PAQR8: variants seen among roughly 807,000 people sequenced by gnomAD.
PAQR8 encodes progestin and adipoQ receptor family member 8.
In PAQR8, 17 loss-of-function variants were observed where a neutral mutation model predicts 25.2. The observed-to-expected ratio is 0.67, with a 90% CI of 0.46 to 1.01. PAQR8 has a LOEUF of 1.01. PAQR8 is among the 50% of genes least tolerant of loss of function. PAQR8 has a pLI of 0.00. For missense variants in PAQR8, 392 were observed against 448.4 expected (o/e 0.87, Z 1.14); for synonymous variants, 204 against 190.6 (o/e 1.07, Z -0.58).
chr6:52,398,210 T>C (rs913223173), intron 1 of PAQR8, among the ~76,000 whole-genome samples: 30 of 123,202 alleles, frequency 2.4e-4, no homozygotes, highest in East Asian at 5.9e-4. Context: ...TTTTCTTTTT[T>C]TTTTTTTTTT....
At chr6:52,365,743 C>T (rs371584912) in intron 1 of PAQR8, among the ~76,000 whole-genome samples, 9 of 152,056 alleles carry the variant, frequency 5.9e-5, no homozygotes, top group South Asian at 2.1e-4. Context: ...TGAAAAGCAA[C>T]GACAATTAGT....
intron 1 of PAQR8, among the ~76,000 whole-genome samples, chr6:52,370,695 C>A (rs772632130): frequency 1.4e-4 from 22 of 152,274 alleles, no homozygotes; most frequent in Non-Finnish European, 2.8e-4. Context: ...TGATGGGAGA[C>A]ATAGCTTCTG....
intron 1 of PAQR8, among the ~76,000 whole-genome samples, chr6:52,398,697 GCACCGGCCACCATGCC>G (rs991388675): frequency 3.3e-5 from 5 of 152,094 alleles, no homozygotes; most frequent in Non-Finnish European, 7.4e-5. Flanking sequence ...GGGATTACAG[GCACCGGCCACCATGCC>G]CAGCTAATTT....
intron 1 of PAQR8, among the ~76,000 whole-genome samples, chr6:52,384,051 T>TA (rs1237002181): frequency 4.6e-5 from 7 of 151,878 alleles, no homozygotes; most frequent in African/African-American, 1.7e-4. Context: ...TTGCTGTGAT[T>TA]AAAAATAATA....
rs541599306 is a variant in PAQR8 at position 52,385,426 on chromosome 6, G to A, written c.-52-17736G>A. Among the ~76,000 whole-genome samples, 169 of 152,284 alleles carry A rather than the reference G, an allele frequency of 1.1e-3. 1 individual carries two copies. The highest frequency in any genetic ancestry group is 3.8e-3 in the African/African-American group (159 of 41,564). ...CAGCATGAAAATAGACTAATACAAT[G>A]TAAGACCTCAAACTATAAACATCCT... On this transcript the variant is annotated intron_variant, in intron 1 of 1. Coordinates refer to ENST00000442253, the MANE Select transcript of PAQR8 (RefSeq NM_133367.5).
Position 52,404,571 on chromosome 6 carries a change from T to C in PAQR8, c.*293T>C. 1 of 284,612 alleles carries C rather than the reference T, an allele frequency of 3.5e-6. No homozygotes were observed. 17.6% of individuals were successfully genotyped at this position (284,612 alleles called of 1,614,324 possible). Reference sequence around the variant, plus strand: ...AGAATCATCTTCATGCCTGAAAATTTAGCAAAATTCCGACTATGGCCTCCA... The same window carrying C: ...AGAATCATCTTCATGCCTGAAAATTCAGCAAAATTCCGACTATGGCCTCCA... On this transcript the variant is annotated 3_prime_UTR_variant, in exon 2 of 2. Transcript: ENST00000442253.
chr6:52,393,178 T>C (rs1398410438), intron 1 of PAQR8, among the ~76,000 whole-genome samples: 1 of 152,150 alleles, frequency 6.6e-6, no homozygotes, highest in East Asian at 1.9e-4. Context: ...TGTAACTGTT[T>C]CCTTATCTGT....
At position 52,375,218 on chromosome 6, in the gene PAQR8, A is replaced by G. The variant is rs529611084; in HGVS notation, c.-53+12969A>G. Among the ~76,000 whole-genome samples, 4 of 152,140 alleles carry G rather than the reference A, an allele frequency of 2.6e-5. No homozygotes were observed. The South Asian group carries it at 8.3e-4, about 32-fold the overall frequency. Reference sequence around the variant, plus strand: ...CAAGAGCTTGTGGCAGACATTGTAAATCCATAACACCTTGCCCTCTAAACT... The same window carrying G: ...CAAGAGCTTGTGGCAGACATTGTAAGTCCATAACACCTTGCCCTCTAAACT... On this transcript the variant is annotated intron_variant, in intron 1 of 1. Transcript: ENST00000442253.
chr6:52,374,966 GATA>G (rs1278128382), intron 1 of PAQR8, among the ~76,000 whole-genome samples: 1 of 149,966 alleles, frequency 6.7e-6, no homozygotes, highest in African/African-American at 2.4e-5. Flanking sequence ...TAATATTAGA[GATA>G]ATGAGGGAAA....
intron 1 of PAQR8, among the ~76,000 whole-genome samples, chr6:52,369,717 T>C (rs754764039): frequency 6.6e-6 from 1 of 152,206 alleles, no homozygotes; most frequent in Non-Finnish European, 1.5e-5. Context: ...GAGCAGATAG[T>C]ATATAGTCAG....
chr6:52,396,829 G>C (rs1763772571), intron 1 of PAQR8, among the ~76,000 whole-genome samples: 1 of 152,204 alleles, frequency 6.6e-6, no homozygotes, highest in Admixed American at 6.5e-5. Flanking sequence ...CTGGAGATGA[G>C]TCTGAAGTGC....
intron 1 of PAQR8, among the ~76,000 whole-genome samples, chr6:52,390,969 A>G (rs1763700497): frequency 6.6e-6 from 1 of 152,208 alleles, no homozygotes; most frequent in Admixed American, 6.5e-5. Flanking sequence ...TCCAATTACA[A>G]AAGTAGTAAA....
intron 1 of PAQR8, among the ~76,000 whole-genome samples, chr6:52,377,434 G>A (rs1245849560): frequency 6.6e-6 from 1 of 152,064 alleles, no homozygotes; most frequent in African/African-American, 2.4e-5. Context: ...AAGAAGGAAA[G>A]TTTTAAGTTT....
At chr6:52,400,212 G>T (rs1358317623) in intron 1 of PAQR8, among the ~76,000 whole-genome samples, 2 of 152,120 alleles carry the variant, frequency 1.3e-5, no homozygotes, top group African/African-American at 4.8e-5. Context: ...CTGGCTAAAT[G>T]AATGCCTCAA....
At chr6:52,368,917 TAGTG>T (rs1304117647) in intron 1 of PAQR8, among the ~76,000 whole-genome samples, 2 of 152,116 alleles carry the variant, frequency 1.3e-5, no homozygotes, top group Admixed American at 6.5e-5. Flanking sequence ...GTTCTCATGA[TAGTG>T]AGTGAGTTCT....
intron 1 of PAQR8, among the ~76,000 whole-genome samples, chr6:52,395,272 CAAAAAA>C (rs34239055): frequency 1.1e-5 from 1 of 93,432 alleles, no homozygotes; most frequent in Non-Finnish European, 2.1e-5. Flanking sequence ...GACTTCGTCT[CAAAAAA>C]AAAAAAAAAA....
chr6:52,401,448 T>C (rs1763828612), intron 1 of PAQR8, among the ~76,000 whole-genome samples: 1 of 152,236 alleles, frequency 6.6e-6, no homozygotes, highest in African/African-American at 2.4e-5. Flanking sequence ...AGCAGTTTCA[T>C]GAAATATTTT....
chr6:52,376,382 G>A (rs1763485611), intron 1 of PAQR8, among the ~76,000 whole-genome samples: 1 of 152,186 alleles, frequency 6.6e-6, no homozygotes, highest in Non-Finnish European at 1.5e-5. Flanking sequence ...GTTAAGATCA[G>A]ACTGTGTATG....
chr6:52,396,161 AC>A (rs1424189239), intron 1 of PAQR8, among the ~76,000 whole-genome samples: 22 of 152,300 alleles, frequency 1.4e-4, no homozygotes, highest in African/African-American at 5.1e-4. Context: ...AAACAAACGA[AC>A]CCAGCTCCAT....
Sources: allele counts gnomAD v4.1 joint callset (sites outside exome capture counted in the v4.1 genomes callset), GRCh38; gene constraint gnomAD v4.1.1; transcripts MANE v1.5; gene names NCBI Gene and HGNC (gene_info 2026-07-23, HGNC 2026-07-21).